Variants in TRIML2 observed in about 807,000 individuals in gnomAD.
TRIML2 encodes the protein probable E3 ubiquitin-protein ligase TRIML2.
A neutral mutation model predicts 31.2 loss-of-function variants in TRIML2; 28 were observed. That is an observed-to-expected ratio of 0.90 (90% CI 0.66 to 1.23). TRIML2 has a LOEUF of 1.23. TRIML2 is among the 50% of genes most tolerant of loss of function. The pLI, the probability that TRIML2 is intolerant of heterozygous loss-of-function variation, is 0.00. For synonymous variants in TRIML2, 187 were observed against 197.5 expected, an observed-to-expected ratio of 0.95 and a Z score of 0.45; for missense variants, 536 against 528.3, an observed-to-expected ratio of 1.01 and a Z score of -0.14.
Position 188,094,105 on chromosome 4 carries a change from A to C in TRIML2, c.746-2164T>G, listed in dbSNP as rs796205985. Among the ~76,000 whole-genome samples the C allele has an allele frequency of 7.4e-3, 1,063 of 144,054 alleles. 36 individuals are homozygous for C. Among genetic ancestry groups the C allele is most frequent in the African/African-American group, 0.027 (1,008 of 37,844 alleles). 94.5% of individuals were successfully genotyped at this position (144,054 alleles called of 152,430 possible). A position where few individuals can be genotyped will look rare whatever the true frequency, so the allele number is the denominator to read the frequency against. On this transcript the variant is annotated intron_variant, in intron 7 of 7. Coordinates refer to ENST00000682553, the MANE Select transcript of TRIML2 (RefSeq NM_173553.4). Reference sequence around the variant, plus strand: ...GACAGCATCTCAAAAAACAAAAACAAAAACAAAAACAAAAACAAAAACAAA... The same window carrying C: ...GACAGCATCTCAAAAAACAAAAACACAAACAAAAACAAAAACAAAAACAAA...
chr4:188,105,413 T>C lies in TRIML2; in HGVS notation c.-45A>G. The C allele has an allele frequency of 6.9e-7, 1 of 1,441,776 alleles. No homozygotes were observed. The allele number at this position is 1,441,776 out of a possible 1,614,324, so 89.3% of individuals were successfully genotyped here. A position where few individuals can be genotyped will look rare whatever the true frequency, so the allele number is the denominator to read the frequency against. On this transcript the variant is annotated 5_prime_UTR_variant, in exon 2 of 8. Transcript: ENST00000682553. ...TGAAGACTGGACTGTATGCTTCTAC[T>C]GAGGTATCTCCCTGCACTGTGAATG...
At chr4:188,098,961 C>T in intron 5 of TRIML2, 74 bp downstream of exon 5, 1 of 1,519,582 alleles carries the variant, frequency 6.6e-7, no homozygotes, top group South Asian at 1.2e-5. Flanking sequence ...GACAGCAACC[C>T]CTAATGAGTA....
chr4:188,106,782 G>A (rs1352137036), intron 1 of TRIML2: 1 of 225,538 alleles, frequency 4.4e-6, no homozygotes, highest in East Asian at 1.2e-4. Context: ...CCCGGCCCGC[G>A]CTGGGAAAGT....
chr4:188,097,248 A>G, intron 6 of TRIML2, 76 bp downstream of exon 6: 1 of 1,598,704 alleles, frequency 6.3e-7, no homozygotes, highest in African/African-American at 1.3e-5. Flanking sequence ...CTACCAGCAA[A>G]TGCAATCTCC....
chr4:188,101,478 G>A (rs1031598053), intron 3 of TRIML2, among the ~76,000 whole-genome samples: 3 of 151,804 alleles, frequency 2.0e-5, no homozygotes, highest in Non-Finnish European at 4.4e-5. Flanking sequence ...GGTGGATCAC[G>A]AGGTCAGGAG....
rs538302260 is a variant in TRIML2 at position 188,095,248 on chromosome 4, A to G, written c.745+1813T>C. On this transcript the variant is annotated intron_variant, in intron 7 of 7. Transcript: ENST00000682553. ...ATTTCTTAAATAAGACACAAAAAGCAGAAGTCATAAAAGAAAAAACTTGAT... is the reference window on the plus strand; with the variant it reads ...ATTTCTTAAATAAGACACAAAAAGCGGAAGTCATAAAAGAAAAAACTTGAT... Among the ~76,000 whole-genome samples, 5 of 152,344 alleles carry G rather than the reference A, an allele frequency of 3.3e-5. No homozygotes were observed. The South Asian group carries it at 1.0e-3, about 32-fold the overall frequency.
At chr4:188,107,155 C>CA (rs1288618781) in intron 1 of TRIML2, among the ~76,000 whole-genome samples, 3 of 152,088 alleles carry the variant, frequency 2.0e-5, no homozygotes, top group Non-Finnish European at 2.9e-5. Context: ...GCTGGGACTA[C>CA]AGGCGCGTGA....
At position 188,091,553 on chromosome 4, in the gene TRIML2, G is replaced by A. The variant is rs200634456; in HGVS notation, c.1134C>T (p.His378=). 335 of 1,614,118 alleles carry A rather than the reference G, an allele frequency of 2.1e-4. 2 individuals carry two copies. Among genetic ancestry groups the A allele is most frequent in the Non-Finnish European group, 1.2e-4 (136 of 1,180,030 alleles). ...TCACATTGTAGAATGATATCTGCCC[G>A]TGTTCGCAGTCAAGGAAAACGCCAA... is the stretch of plus-strand genomic sequence containing the variant. ...DTVGVFLDCE[H]GQISFYNVTE... is the part of the protein sequence containing the mutation. The change falls in exon 8 of 8, where the codon CAC becomes CAT. Residue 378 remains histidine (H), a synonymous_variant. Transcript: ENST00000682553.
Position 188,091,405 on chromosome 4 carries a change from C to G in TRIML2, c.1282G>C (p.Gly428Arg), listed in dbSNP as rs759820216. Residue 428 changes from glycine to arginine, a missense_variant, in exon 8 of 8, where the codon GGT becomes CGT. Transcript: ENST00000682553. ...CTAACAGTAGCATCACAAGAAGGAC[C>G]ATGTTGTAAGATGGTGAGGGAGTCT... is the stretch of plus-strand genomic sequence containing the variant. ...SPDSLTILQH[G>R]PSCDATVSP The G allele has an allele frequency of 1.1e-5, 18 of 1,613,910 alleles. No individual in the cohort carries two copies. The highest frequency in any genetic ancestry group is 1.4e-5 in the Non-Finnish European group (17 of 1,179,986).
At chr4:188,097,279 C>T (rs201974961) in intron 6 of TRIML2, 45 bp downstream of exon 6, 19 of 1,610,170 alleles carry the variant, frequency 1.2e-5, no homozygotes, top group Non-Finnish European at 1.4e-5. Context: ...CAACATCTTA[C>T]TGGACTCTGA....
chr4:188,098,877 C>G (rs1733644443), intron 5 of TRIML2, 158 bp downstream of exon 5: 2 of 803,348 alleles, frequency 2.5e-6, no homozygotes, highest in African/African-American at 3.5e-5. Context: ...ATGACCATTC[C>G]TAAAGCTTTT....
At position 188,109,480 on chromosome 4, in the gene TRIML2, T is replaced by G. The variant is rs2172342; in HGVS notation, c.-460A>C. 72,067 of 150,890 alleles carry G rather than the reference T, an allele frequency of 0.48. 17,847 individuals carry two copies. Among genetic ancestry groups the G allele is most frequent in the South Asian group, 0.58 (2,780 of 4,756 alleles). 9.3% of individuals were successfully genotyped at this position (150,890 alleles called of 1,614,324 possible). A position where few individuals can be genotyped will look rare whatever the true frequency, so the allele number is the denominator to read the frequency against. ...TTTTGTAGAGACGGGGTTTCAGTAT[T>G]TTTCCCAGGCTGGTCTTGAACTCCT... On this transcript the variant is annotated 5_prime_UTR_variant, in exon 1 of 8. Transcript: ENST00000682553.
rs766187843 is a variant in TRIML2, at chr4:188,092,798, G to A, written c.746-857C>T. On this transcript the variant is annotated intron_variant, in intron 7 of 7. Transcript: ENST00000682553. The stretch of plus-strand genomic sequence containing the variant: ...CTCCAGAAACTCACGCTGAGAACAC[G>A]CAGGCTCAATGAATTCCTCACACCT... 8.8e-6 allele frequency: 4 copies of A among 455,102 alleles called. 1 individual carries two copies. The highest frequency in any genetic ancestry group is 1.8e-5 in the Non-Finnish European group (4 of 226,984). 28.2% of individuals were successfully genotyped at this position (455,102 alleles called of 1,614,324 possible). A position where few individuals can be genotyped will look rare whatever the true frequency, so the allele number is the denominator to read the frequency against.
chr4:188,096,414 C>G (rs1249487205), intron 7 of TRIML2, among the ~76,000 whole-genome samples: 2 of 150,300 alleles, frequency 1.3e-5, no homozygotes, highest in African/African-American at 4.9e-5. Context: ...TGCCTGTAAT[C>G]CCAGCTACTT....
intron 1 of TRIML2, chr4:188,106,666 G>C (rs1203380658): frequency 1.3e-5 from 2 of 157,508 alleles, no homozygotes; most frequent in Admixed American, 6.5e-5. Flanking sequence ...CTTCGCCCCG[G>C]AAGATCTATC....
chr4:188,093,152 T>C (rs918032923), intron 7 of TRIML2: 2 of 245,730 alleles, frequency 8.1e-6, no homozygotes, highest in African/African-American at 2.3e-5. Context: ...GTCTAAGCCA[T>C]AAACCTGGAA....
In TRIML2 at chr4:188,091,779, C is replaced by G; in HGVS notation, c.908G>C (p.Arg303Thr). ...VLAAESFTSG[R>T]HYWEVDVEKA... is the part of the protein sequence containing the mutation. The stretch of plus-strand genomic sequence containing the variant: ...TTCCACGTCCACCTCCCAGTAGTGC[C>G]TCCCTGAGGTGAAGCTCTCCGCAGC... Residue 303 changes from arginine (R) to threonine (T), a missense_variant, in exon 8 of 8, where the codon AGG becomes ACG. Transcript: ENST00000682553. 2 of 1,614,152 alleles carry G rather than the reference C, an allele frequency of 1.2e-6. No individual in the cohort carries two copies. Among genetic ancestry groups the G allele is most frequent in the Non-Finnish European group, 1.7e-6 (2 of 1,180,038 alleles).
intron 3 of TRIML2, 29 bp downstream of exon 3, chr4:188,104,808 C>T: frequency 1.3e-6 from 2 of 1,541,876 alleles, no homozygotes; most frequent in East Asian, 4.5e-5. Context: ...GTAATTTCCC[C>T]CCAAGAATCA....
intron 3 of TRIML2, among the ~76,000 whole-genome samples, chr4:188,104,130 C>T (rs192290983): frequency 1.3e-3 from 204 of 152,226 alleles, no homozygotes; most frequent in Non-Finnish European, 2.4e-3. Flanking sequence ...ACCAGAAGTA[C>T]AAGAGATGCT....
Sources: gnomAD v4.1 joint callset for allele counts (sites outside exome capture counted in the v4.1 genomes callset) on GRCh38, gnomAD v4.1.1 for gene constraint, MANE v1.5 for transcripts, NCBI Gene and HGNC (gene_info 2026-07-23, HGNC 2026-07-21) for gene names.